The following UGGT2 variants were observed in gnomAD, a reference collection of about 807,000 sequenced individuals.
UGGT2 encodes UDP-glucose glycoprotein glucosyltransferase 2.
Under a neutral mutation model 192.1 loss-of-function variants are expected in UGGT2, and 180 were observed. The observed-to-expected ratio is 0.94, with a 90% CI of 0.83 to 1.06. UGGT2 has a LOEUF of 1.06. Ranked by LOEUF, UGGT2 falls within the 50% of genes least tolerant of loss-of-function variation. UGGT2 has a pLI of 0.00. For synonymous variants in UGGT2, 580 were observed against 591.0 expected (o/e 0.98, Z 0.27); for missense variants, 1,849 against 1,795.7 (o/e 1.03, Z -0.54).
chr13:95,842,490 G>A (rs565107826), intron 36 of UGGT2, among the ~76,000 whole-genome samples: 11 of 152,100 alleles, frequency 7.2e-5, no homozygotes, highest in Non-Finnish European at 1.5e-4. Context: ...ACAGATATTT[G>A]CAGTAGGCAG....
chr13:96,046,797 G>A (rs1258241987), intron 1 of UGGT2, among the ~76,000 whole-genome samples: 1 of 152,200 alleles, frequency 6.6e-6, no homozygotes, highest in Non-Finnish European at 1.5e-5. Flanking sequence ...AACGGTCTTA[G>A]CAAACGGCAC....
chr13:95,813,252 T>C (rs1195016279), intron 38 of UGGT2, among the ~76,000 whole-genome samples: 1 of 152,042 alleles, frequency 6.6e-6, no homozygotes. Flanking sequence ...ATCTCAGAGA[T>C]TGGTTAATGG....
chr13:95,919,969 A>G (rs1375575283), intron 20 of UGGT2, among the ~76,000 whole-genome samples: 3 of 152,238 alleles, frequency 2.0e-5, no homozygotes, highest in Non-Finnish European at 4.4e-5. Flanking sequence ...AGGCTACAGT[A>G]ACCAAGATGG....
chr13:95,971,366 C>T (rs1212265996), intron 11 of UGGT2, among the ~76,000 whole-genome samples: 2 of 152,100 alleles, frequency 1.3e-5, no homozygotes, highest in East Asian at 3.8e-4. Context: ...CACAAATATT[C>T]TCACATTTTG....
intron 36 of UGGT2, among the ~76,000 whole-genome samples, chr13:95,845,664 G>A (rs372817671): frequency 2.8e-4 from 42 of 152,072 alleles, no homozygotes; most frequent in East Asian, 2.3e-3. Context: ...ATCATGGCCC[G>A]TTCTCAATGA....
chr13:95,826,366 TAAAC>T (rs968791153), intron 38 of UGGT2, among the ~76,000 whole-genome samples: 27 of 151,632 alleles, frequency 1.8e-4, no homozygotes, highest in Admixed American at 7.9e-4. Context: ...GCAAGTAAAA[TAAAC>T]AAACAAACAA....
chr13:96,012,742 ATG>A (rs10562634), intron 5 of UGGT2, among the ~76,000 whole-genome samples: 68,408 of 150,458 alleles, frequency 0.45, 15,719 homozygotes, highest in East Asian at 0.58. Context: ...ATTCATACGC[ATG>A]TGTGTGTGTG....
chr13:95,903,303 G>A (rs1188402206), intron 20 of UGGT2, among the ~76,000 whole-genome samples: 2 of 151,736 alleles, frequency 1.3e-5, no homozygotes, highest in African/African-American at 4.9e-5. Flanking sequence ...TTATATTTAA[G>A]CTTTTTGTAT....
chr13:96,026,750 C>T (rs905114261), intron 2 of UGGT2, among the ~76,000 whole-genome samples: 1 of 149,632 alleles, frequency 6.7e-6, no homozygotes, highest in Non-Finnish European at 1.5e-5. Context: ...CGGCTCACTG[C>T]AAGCTCCGCT....
intron 1 of UGGT2, among the ~76,000 whole-genome samples, chr13:96,032,329 T>A (rs1251343933): frequency 6.6e-6 from 1 of 151,978 alleles, no homozygotes; most frequent in Non-Finnish European, 1.5e-5. Flanking sequence ...GAACATTATA[T>A]AAAGGTAAAA....
At chr13:95,885,508 A>C (rs1447669067) in intron 26 of UGGT2, among the ~76,000 whole-genome samples, 2 of 152,212 alleles carry the variant, frequency 1.3e-5, no homozygotes, top group Non-Finnish European at 2.9e-5. Context: ...GAATGTCAGC[A>C]AGACAAAAGT....
intron 9 of UGGT2, among the ~76,000 whole-genome samples, chr13:95,985,653 T>C (rs1051496776): frequency 1.3e-5 from 2 of 152,180 alleles, no homozygotes; most frequent in African/African-American, 4.8e-5. Context: ...ACTCATATTT[T>C]ACTTGTTGCT....
chr13:96,008,685 A>T (rs1173313687), intron 5 of UGGT2, among the ~76,000 whole-genome samples: 1 of 152,230 alleles, frequency 6.6e-6, no homozygotes, highest in African/African-American at 2.4e-5. Flanking sequence ...GTGAATCTCT[A>T]CAATGAGAAT....
At chr13:95,953,267 G>A (rs550265101) in intron 12 of UGGT2, among the ~76,000 whole-genome samples, 4 of 152,294 alleles carry the variant, frequency 2.6e-5, no homozygotes, top group South Asian at 2.1e-4. Flanking sequence ...TTCATGCTAC[G>A]TCTAAGTTTA....
chr13:95,809,295 G>C, intron 38 of UGGT2: 1 of 513,730 alleles, frequency 1.9e-6, no homozygotes, highest in Non-Finnish European at 3.8e-6. Context: ...ATAAGACATG[G>C]TATAGGATAT....
chr13:95,976,053 T>C (rs2050927477), intron 10 of UGGT2, among the ~76,000 whole-genome samples: 1 of 152,144 alleles, frequency 6.6e-6, no homozygotes, highest in African/African-American at 2.4e-5. Context: ...ATAGATCTTA[T>C]TCCTGACTGT....
At chr13:95,817,768 AAAAAGCCATGATG>A (rs1215411300) in intron 38 of UGGT2, among the ~76,000 whole-genome samples, 1 of 152,190 alleles carries the variant, frequency 6.6e-6, no homozygotes, top group African/African-American at 2.4e-5. Flanking sequence ...TCATTAAAGA[AAAAAGCCATGATG>A]AAAAACTTAA....
intron 38 of UGGT2, among the ~76,000 whole-genome samples, chr13:95,830,271 T>C (rs1453628664): frequency 1.3e-5 from 2 of 152,018 alleles, no homozygotes; most frequent in East Asian, 1.9e-4. Context: ...AAAGCAAGAA[T>C]TGAGAAATGG....
intron 2 of UGGT2, among the ~76,000 whole-genome samples, chr13:96,024,360 A>C (rs2052603185): frequency 6.6e-6 from 1 of 152,176 alleles, no homozygotes; most frequent in Non-Finnish European, 1.5e-5. Context: ...GGATCCTAGA[A>C]TTTAATTAAA....
Sources: gnomAD v4.1 joint callset for allele counts (sites outside exome capture counted in the v4.1 genomes callset) on GRCh38, gnomAD v4.1.1 for gene constraint, MANE v1.5 for transcripts, NCBI Gene and HGNC (gene_info 2026-07-23, HGNC 2026-07-21) for gene names.